TMEM232: variants seen among roughly 807,000 people sequenced by gnomAD.
The protein encoded by TMEM232 is transmembrane protein 232.
In TMEM232, 80 loss-of-function variants were observed where a neutral mutation model predicts 78.8. The observed-to-expected ratio is 1.01, with a 90% CI of 0.85 to 1.22. The LOEUF is 1.22. Ranked by LOEUF, TMEM232 falls within the 50% of genes most tolerant of loss-of-function variation. TMEM232 has a pLI of 0.00. For missense variants in TMEM232, 881 were observed against 742.2 expected, an observed-to-expected ratio of 1.19 and a Z score of -2.17; for synonymous variants, 297 against 254.3, an observed-to-expected ratio of 1.17 and a Z score of -1.60.
At position 110,434,705 on chromosome 5, in the gene TMEM232, G is replaced by GA. The variant is rs1459414918; in HGVS notation, c.1704-9790_1704-9789insT. On this transcript the variant is annotated intron_variant, in intron 12 of 13. Coordinates refer to ENST00000455884, the MANE Select transcript of TMEM232 (RefSeq NM_001039763.4). ...ATGAACATAGATAGAAAAATCCTCA[G>GA]CAAAATACTAGCAAACCAAATGCGG... Among the ~76,000 whole-genome samples the GA allele has an allele frequency of 2.6e-5, 4 of 152,178 alleles. No individual in the cohort carries two copies. The East Asian group carries it at 7.7e-4, about 29-fold the overall frequency.
intron 10 of TMEM232, among the ~76,000 whole-genome samples, chr5:110,585,766 T>A (rs1778739142): frequency 6.6e-6 from 1 of 152,076 alleles, no homozygotes. Flanking sequence ...CCTGCAGCAG[T>A]TTCTCATCCA....
At chr5:110,733,070 A>G (rs1164094585) in intron 2 of TMEM232, among the ~76,000 whole-genome samples, 1 of 152,226 alleles carries the variant, frequency 6.6e-6, no homozygotes, top group African/African-American at 2.4e-5. Flanking sequence ...GTATATGAAA[A>G]AAAGCTCAAC....
intron 10 of TMEM232, among the ~76,000 whole-genome samples, chr5:110,595,455 G>T (rs1029293595): frequency 6.6e-6 from 1 of 152,120 alleles, no homozygotes; most frequent in South Asian, 2.1e-4. Context: ...GGCTTCAAAA[G>T]GTGGGTAGTA....
At chr5:110,738,932 T>C (rs1253801532), upstream of TMEM232, 2 of 1,423,732 alleles carry the variant, frequency 1.4e-6, no homozygotes, top group Admixed American at 2.9e-5. Context: ...AACCGTGCCC[T>C]TTAATGGTTG....
At chr5:110,470,348 C>G (rs192057600) in intron 12 of TMEM232, among the ~76,000 whole-genome samples, 38 of 151,712 alleles carry the variant, frequency 2.5e-4, no homozygotes, top group African/African-American at 7.6e-4. Flanking sequence ...ACATTCTACC[C>G]GACCACAGAG....
intron 1 of TMEM232, among the ~76,000 whole-genome samples, chr5:110,703,391 C>G (rs4391218): frequency 0.094 from 14,219 of 151,978 alleles, 789 homozygotes; most frequent in South Asian, 0.18. Flanking sequence ...AAAATGACTG[C>G]CTGGGGAAAC....
chr5:110,641,184 T>G (rs537960436), intron 3 of TMEM232, among the ~76,000 whole-genome samples, 188 bp from the exon 4 acceptor site: 1 of 152,142 alleles, frequency 6.6e-6, no homozygotes, highest in African/African-American at 2.4e-5. Flanking sequence ...CAAACTGTAT[T>G]AGTGTTAAGA....
chr5:110,507,967 T>A (rs1427848277), intron 12 of TMEM232, among the ~76,000 whole-genome samples: 1 of 152,218 alleles, frequency 6.6e-6, no homozygotes, highest in Non-Finnish European at 1.5e-5. Context: ...TTGCTTGATA[T>A]CTGTATGCTA....
intron 12 of TMEM232, among the ~76,000 whole-genome samples, chr5:110,522,050 T>G (rs1483870933): frequency 1.3e-5 from 2 of 152,178 alleles, no homozygotes; most frequent in East Asian, 3.8e-4. Flanking sequence ...GCAAGATTCT[T>G]TCAACACATG....
At chr5:110,570,704 C>T (rs1348200497) in intron 10 of TMEM232, among the ~76,000 whole-genome samples, 3 of 152,068 alleles carry the variant, frequency 2.0e-5, no homozygotes, top group Non-Finnish European at 2.9e-5. Context: ...CTTTCATCTT[C>T]CTGTCTTATT....
intron 9 of TMEM232, 125 bp from the exon 10 acceptor site, chr5:110,605,483 A>C: frequency 8.7e-7 from 1 of 1,152,458 alleles, no homozygotes; most frequent in Non-Finnish European, 1.2e-6. Flanking sequence ...TGTTCATTAA[A>C]AAATGGGTTT....
At chr5:110,613,967 T>C (rs896963481) in intron 8 of TMEM232, among the ~76,000 whole-genome samples, 9 of 152,104 alleles carry the variant, frequency 5.9e-5, no homozygotes, top group African/African-American at 1.7e-4. Context: ...CAAATTATTC[T>C]TTTAATGTCA....
At chr5:110,408,044 C>T (rs1755856947) in intron 2 of TMEM232, among the ~76,000 whole-genome samples, 2 of 151,778 alleles carry the variant, frequency 1.3e-5, no homozygotes, top group Admixed American at 1.3e-4. Context: ...AATGGAAATA[C>T]AACACACCAA....
intron 12 of TMEM232, among the ~76,000 whole-genome samples, chr5:110,443,324 T>C (rs569100542): frequency 1.2e-4 from 18 of 152,250 alleles, no homozygotes; most frequent in African/African-American, 3.8e-4. Flanking sequence ...TCTTTCCCTC[T>C]CTTTCCACAG....
In TMEM232 at chr5:110,537,291, A is replaced by ATTT. The variant is rs1377106617; in HGVS notation, c.1456-8459_1456-8457dup. On this transcript the variant is annotated intron_variant, in intron 11 of 13. Coordinates refer to ENST00000455884, the MANE Select transcript of TMEM232 (RefSeq NM_001039763.4). ...AAAGAGAAAACTTATATATATATATATTTTTTTTTTTCTGCAATGCTGTTT... is the reference window on the plus strand; with the variant it reads ...AAAGAGAAAACTTATATATATATATATTTTTTTTTTTTTTCTGCAATGCTGTTT... Among the ~76,000 whole-genome samples, 246 of 136,412 alleles carry ATTT rather than the reference A, an allele frequency of 1.8e-3. 1 individual carries two copies. Among genetic ancestry groups the ATTT allele is most frequent in the African/African-American group, 7.5e-3 (239 of 31,910 alleles). 89.5% of individuals were successfully genotyped at this position (136,412 alleles called of 152,430 possible).
intron 3 of TMEM232, among the ~76,000 whole-genome samples, chr5:110,396,397 A>T (rs1408377160): frequency 6.6e-6 from 1 of 152,170 alleles, no homozygotes; most frequent in Admixed American, 6.5e-5. Flanking sequence ...AGGAAAAAAA[A>T]GTTATAATTT....
intron 11 of TMEM232, among the ~76,000 whole-genome samples, chr5:110,565,845 G>A (rs1016304611): frequency 2.6e-5 from 4 of 151,622 alleles, no homozygotes; most frequent in Non-Finnish European, 5.9e-5. Flanking sequence ...AAATCTAGTA[G>A]GTCACTTGCA....
At chr5:110,678,921 C>A (rs1332346918) in intron 1 of TMEM232, among the ~76,000 whole-genome samples, 2 of 152,150 alleles carry the variant, frequency 1.3e-5, no homozygotes, top group African/African-American at 4.8e-5. Context: ...TTCCATTTAT[C>A]TACTGAAGGA....
chr5:110,641,795 C>T (rs1786761884), intron 3 of TMEM232, among the ~76,000 whole-genome samples: 1 of 152,038 alleles, frequency 6.6e-6, no homozygotes, highest in Non-Finnish European at 1.5e-5. Flanking sequence ...TACTTTACTT[C>T]CTGTTCTGTT....
Sources: gnomAD v4.1 joint callset for allele counts (sites outside exome capture counted in the v4.1 genomes callset) on GRCh38, gnomAD v4.1.1 for gene constraint, MANE v1.5 for transcripts, NCBI Gene and HGNC (gene_info 2026-07-23, HGNC 2026-07-21) for gene names.